Variants in HHIP observed in about 807,000 individuals in gnomAD.
HHIP encodes hedgehog interacting protein.
HHIP carries 12 observed loss-of-function variants against 74.0 expected under a neutral mutation model. The observed-to-expected ratio is 0.16, with a 90% confidence interval of 0.10 to 0.26. The LOEUF (loss-of-function observed/expected upper bound fraction) is 0.26. HHIP is among the 10% of genes least tolerant of loss of function. The probability of loss-of-function intolerance (pLI) is 1.00; values close to 1 mark genes in which losing one functional copy is unlikely to be tolerated. For synonymous variants in HHIP, 309 were observed against 311.6 expected (o/e 0.99, Z 0.09); for missense variants, 788 against 845.0 (o/e 0.93, Z 0.84).
Position 144,647,663 on chromosome 4 carries a change from G to A in HHIP, c.279+709G>A, listed in dbSNP as rs1332439960. Among the ~76,000 whole-genome samples the A allele has an allele frequency of 5.3e-5, 8 of 151,556 alleles. No individual in the cohort carries two copies. In the East Asian group the frequency reaches 1.5e-3, roughly 29 times the overall value. On this transcript the variant is annotated intron_variant, in intron 1 of 12. Coordinates refer to ENST00000296575, the MANE Select transcript of HHIP (RefSeq NM_022475.3). ...CTAAGAATTTGTTTTAAGAGTAATG[G>A]CATTTACGTTATCCTTGTGTTAATA... is the stretch of plus-strand genomic sequence containing the variant.
Position 144,712,962 on chromosome 4 carries a change from A to G in HHIP, c.1423+891A>G, listed in dbSNP as rs550327475. Among the ~76,000 whole-genome samples the G allele has an allele frequency of 7.5e-4, 114 of 151,982 alleles. 1 individual carries two copies. In the South Asian group the frequency reaches 0.023, roughly 31 times the overall value. Reference sequence around the variant, plus strand: ...AGAGTAATGTGATTTGGAAAAAAAAAAAAAAACTAATGAGTCACTAGCTCG... The same window carrying G: ...AGAGTAATGTGATTTGGAAAAAAAAGAAAAAACTAATGAGTCACTAGCTCG... On this transcript the variant is annotated intron_variant, in intron 8 of 12. Transcript: ENST00000296575.
rs1369592153 is a variant in HHIP, at chr4:144,714,332, T to C, written c.1531T>C (p.Phe511Leu). 1 of 1,613,306 alleles carries C rather than the reference T, an allele frequency of 6.2e-7. No individual in the cohort carries two copies. Among genetic ancestry groups the C allele is most frequent in the Non-Finnish European group, 8.5e-7 (1 of 1,179,566 alleles). The change falls in exon 9 of 13, where the codon TTT becomes CTT. Residue 511 changes from phenylalanine to leucine, a missense_variant. By Grantham distance (22) the Phe-to-Leu change is conservative (BLOSUM62 0). Transcript: ENST00000296575. ...AGAAAGATTGTATGGAAGCTACGTG[T>C]TTGGAGATCGTAATGGGTAGGTTTC... is the stretch of plus-strand genomic sequence containing the variant. The part of the protein sequence containing the change: ...QSERLYGSYV[F>L]GDRNGNFLTL...
intron 8 of HHIP, among the ~76,000 whole-genome samples, chr4:144,713,658 C>A (rs186235848): frequency 3.3e-5 from 5 of 152,230 alleles, no homozygotes; most frequent in Admixed American, 1.3e-4. Flanking sequence ...ATCCACACAA[C>A]TCTATAAACA....
intron 4 of HHIP, among the ~76,000 whole-genome samples, chr4:144,672,444 G>A (rs887082772): frequency 2.6e-5 from 4 of 152,170 alleles, no homozygotes; most frequent in Non-Finnish European, 4.4e-5. Flanking sequence ...CCATGACTTC[G>A]AAGTGGACAG....
intron 4 of HHIP, chr4:144,660,063 C>T: frequency 1.8e-6 from 1 of 553,334 alleles, no homozygotes; most frequent in Non-Finnish European, 3.2e-6. Flanking sequence ...TGATATTTGA[C>T]ATGCTTTCCC....
At position 144,716,854 on chromosome 4, in the gene HHIP, G is replaced by GAAAAAAAAAAAAA. The variant is rs869028218; in HGVS notation, c.1678+1446_1678+1458dup. ...ACATGAGCAAAACTCCGTCTCAAAAGAAAAAAAAAAAAAAAAAAAAAAAAA... is the reference window on the plus strand; with the variant it reads ...ACATGAGCAAAACTCCGTCTCAAAAGAAAAAAAAAAAAAAAAAAAAAAAAAAAAAAAAAAAAAA... On this transcript the variant is annotated intron_variant, in intron 10 of 12. Coordinates refer to ENST00000296575, the MANE Select transcript of HHIP (RefSeq NM_022475.3). Among the ~76,000 whole-genome samples, 23 of 54,662 alleles carry GAAAAAAAAAAAAA rather than the reference G, an allele frequency of 4.2e-4. 2 individuals carry two copies. Among genetic ancestry groups the GAAAAAAAAAAAAA allele is most frequent in the South Asian group, 1.9e-3 (2 of 1,042 alleles). The allele number at this position is 54,662 out of a possible 152,430, so 35.9% of individuals were successfully genotyped here.
intron 4 of HHIP, among the ~76,000 whole-genome samples, chr4:144,672,995 C>T (rs982566289): frequency 1.3e-5 from 2 of 152,190 alleles, no homozygotes; most frequent in African/African-American, 2.4e-5. Context: ...CAGGGCCTGG[C>T]TCCGGCCCAA....
At chr4:144,681,309 G>A (rs909533022) in intron 4 of HHIP, among the ~76,000 whole-genome samples, 1 of 151,492 alleles carries the variant, frequency 6.6e-6, no homozygotes, top group Non-Finnish European at 1.5e-5. Context: ...TTTCACAACC[G>A]TTCAGGTCTA....
intron 4 of HHIP, among the ~76,000 whole-genome samples, chr4:144,683,642 G>C (rs1017728664): frequency 2.0e-5 from 3 of 152,084 alleles, no homozygotes; most frequent in African/African-American, 4.8e-5. Context: ...TTAGATTCAG[G>C]CTTGACAATC....
intron 4 of HHIP, among the ~76,000 whole-genome samples, chr4:144,684,571 G>A (rs912236321): frequency 2.6e-5 from 4 of 151,784 alleles, no homozygotes; most frequent in East Asian, 1.9e-4. Context: ...GAGCCACCGC[G>A]CCCGGCCAAA....
intron 1 of HHIP, among the ~76,000 whole-genome samples, chr4:144,649,060 A>G (rs537712969): frequency 6.6e-6 from 1 of 152,286 alleles, no homozygotes; most frequent in African/African-American, 2.4e-5. Context: ...TTCTTGACCT[A>G]TGTTAGTTTT....
At chr4:144,680,888 G>A (rs983762510) in intron 4 of HHIP, among the ~76,000 whole-genome samples, 32 of 152,092 alleles carry the variant, frequency 2.1e-4, no homozygotes, top group African/African-American at 5.3e-4. Context: ...GGATATTGAC[G>A]CCATCTCATT....
chr4:144,693,103 A>C lies in HHIP; in HGVS notation c.832-13428A>C, dbSNP rs756044500. Among the ~76,000 whole-genome samples the C allele has an allele frequency of 8.5e-5, 13 of 152,248 alleles. No homozygotes were observed. The South Asian group carries it at 1.5e-3, about 17-fold the overall frequency. ...ATGTTCATAACGTTATAGGTGTTGAAGAGAGTGGGTGCTGGCAGTGAGGAA... is the reference window on the plus strand; with the variant it reads ...ATGTTCATAACGTTATAGGTGTTGACGAGAGTGGGTGCTGGCAGTGAGGAA... On this transcript the variant is annotated intron_variant, in intron 4 of 12. Transcript: ENST00000296575.
chr4:144,718,898 A>C lies in HHIP; in HGVS notation c.1702A>C (p.Ser568Arg), dbSNP rs747064752. Residue 568 changes from serine (S) to arginine (R), a missense_variant, in exon 11 of 13, where the codon AGT (serine) becomes CGT (arginine). Coordinates refer to ENST00000296575, the MANE Select transcript of HHIP (RefSeq NM_022475.3). ...AGGTGAAGTTTACATTTTATCAAGC[A>C]GTAAAAGTATGACCCAGACTCACAA... ...ELGEVYILSS[S>R]KSMTQTHNGK... 4 of 1,609,704 alleles carry C rather than the reference A, an allele frequency of 2.5e-6. No individual in the cohort carries two copies. The highest frequency in any genetic ancestry group is 3.4e-6 in the Non-Finnish European group (4 of 1,176,184).
intron 8 of HHIP, among the ~76,000 whole-genome samples, chr4:144,713,270 T>A (rs1730352215): frequency 6.6e-6 from 1 of 152,082 alleles, no homozygotes; most frequent in Admixed American, 6.6e-5. Flanking sequence ...AGAGTCTGGA[T>A]TTGAATCTGA....
At chr4:144,695,264 T>C (rs1210019267) in intron 4 of HHIP, among the ~76,000 whole-genome samples, 1 of 151,896 alleles carries the variant, frequency 6.6e-6, no homozygotes, top group Non-Finnish European at 1.5e-5. Flanking sequence ...ATTTCCTTTA[T>C]TCTGTGGCAT....
At chr4:144,699,589 C>T (rs1310482208) in intron 4 of HHIP, among the ~76,000 whole-genome samples, 1 of 151,972 alleles carries the variant, frequency 6.6e-6, no homozygotes, top group Non-Finnish European at 1.5e-5. Context: ...TGCAAGCCCC[C>T]ATCTTGAAGT....
intron 11 of HHIP, among the ~76,000 whole-genome samples, chr4:144,731,866 T>C (rs977515344): frequency 1.3e-5 from 2 of 152,228 alleles, no homozygotes; most frequent in Admixed American, 6.5e-5. Flanking sequence ...TCCTCATCTG[T>C]ATTTCTATGA....
intron 12 of HHIP, among the ~76,000 whole-genome samples, chr4:144,736,593 T>C (rs1731127799): frequency 6.6e-6 from 1 of 150,416 alleles, no homozygotes; most frequent in Non-Finnish European, 1.5e-5. Flanking sequence ...GATGGCACTA[T>C]ATATACCTTA....
Sources: allele counts gnomAD v4.1 joint callset (sites outside exome capture counted in the v4.1 genomes callset), GRCh38; gene constraint gnomAD v4.1.1; transcripts MANE v1.5; gene names NCBI Gene and HGNC (gene_info 2026-07-23, HGNC 2026-07-21).